Variants in PTPRN2 observed in about 807,000 individuals in gnomAD.
PTPRN2 encodes the protein protein tyrosine phosphatase receptor type N2, also known as receptor-type tyrosine-protein phosphatase N2.
In PTPRN2, 74 loss-of-function variants were observed where a neutral mutation model predicts 118.8. The observed-to-expected ratio is 0.62, with a 90% confidence interval of 0.52 to 0.76. The LOEUF (loss-of-function observed/expected upper bound fraction) is 0.76. PTPRN2 is among the 30% of genes least tolerant of loss of function. The pLI, the probability that PTPRN2 is intolerant of heterozygous loss-of-function variation, is 0.00. For synonymous variants in PTPRN2, 641 were observed against 608.0 expected (o/e 1.05, Z -0.80); for missense variants, 1,481 against 1,394.4 (o/e 1.06, Z -0.99).
chr7:157,712,762 A>G (rs1451080969), intron 12 of PTPRN2, among the ~76,000 whole-genome samples: 1 of 151,598 alleles, frequency 6.6e-6, no homozygotes, highest in Non-Finnish European at 1.5e-5. Context: ...AAAAAAAAAA[A>G]AAAAAAAAAA....
intron 1 of PTPRN2, chr7:158,541,760 C>G (rs200170831): frequency 8.4e-7 from 1 of 1,191,310 alleles, no homozygotes; most frequent in Non-Finnish European, 1.1e-6. Flanking sequence ...AAAAGGGCTG[C>G]GGACGCATAA....
In PTPRN2 at chr7:158,381,900, G is replaced by A. The variant is rs533542444; in HGVS notation, c.164-64968C>T. Among the ~76,000 whole-genome samples the A allele has an allele frequency of 5.9e-5, 9 of 152,306 alleles. No individual in the cohort carries two copies. In the South Asian group the frequency reaches 1.9e-3, roughly 32 times the overall value. On this transcript the variant is annotated intron_variant, in intron 2 of 22. Transcript: ENST00000389418. The stretch of plus-strand genomic sequence containing the variant: ...CCCCCTTATAGAACCATCAGATCTT[G>A]TAAGACTTATTCACTACCATGAGAA...
chr7:157,567,826 GCTAATGCAGA>G (rs1799564786), intron 21 of PTPRN2, among the ~76,000 whole-genome samples: 1 of 152,160 alleles, frequency 6.6e-6, no homozygotes, highest in African/African-American at 2.4e-5. Context: ...GTATCGCAAG[GCTAATGCAGA>G]CTCTTCTCAA....
intron 10 of PTPRN2, among the ~76,000 whole-genome samples, chr7:158,103,066 A>C (rs1200175377): frequency 1.3e-5 from 2 of 152,130 alleles, no homozygotes; most frequent in African/African-American, 4.8e-5. Flanking sequence ...CCAGACATGC[A>C]CCCGTCCCTG....
chr7:157,588,203 C>T (rs777167023), intron 17 of PTPRN2, among the ~76,000 whole-genome samples: 1 of 152,240 alleles, frequency 6.6e-6, no homozygotes, highest in Non-Finnish European at 1.5e-5. Flanking sequence ...TGGTGACACA[C>T]AGAAGCTCTC....
intron 14 of PTPRN2, among the ~76,000 whole-genome samples, chr7:157,648,708 A>T (rs1301563322): frequency 7.1e-6 from 1 of 141,064 alleles, no homozygotes; most frequent in African/African-American, 2.7e-5. Context: ...GGTCAGACCC[A>T]TTCACTGTGC....
At chr7:158,331,035 TAA>T (rs1804294731) in intron 2 of PTPRN2, among the ~76,000 whole-genome samples, 1 of 137,516 alleles carries the variant, frequency 7.3e-6, no homozygotes, top group Non-Finnish European at 1.5e-5. Context: ...ACTCTCACCA[TAA>T]GAGGTGACAC....
chr7:158,412,664 TCAGCACCCTCCTCAGCACCAGGGCCCATC>T, intron 2 of PTPRN2, among the ~76,000 whole-genome samples: 1 of 57,338 alleles, frequency 1.7e-5, no homozygotes, highest in East Asian at 5.8e-4. Context: ...AGGGCCCATC[TCAGCACCCTCCTCAGCACCAGGGCCCATC>T]CAGCACCCTC....
chr7:158,180,206 T>G (rs1824579230), intron 5 of PTPRN2, among the ~76,000 whole-genome samples: 1 of 152,250 alleles, frequency 6.6e-6, no homozygotes, highest in Non-Finnish European at 1.5e-5. Flanking sequence ...CTATCCAGTT[T>G]TACCAAAACC....
chr7:158,274,081 CACAGGGGGA>C (rs1798757921), intron 3 of PTPRN2, among the ~76,000 whole-genome samples: 2 of 136,222 alleles, frequency 1.5e-5, no homozygotes, highest in Admixed American at 7.4e-5. Context: ...GAGCCGCAGA[CACAGGGGGA>C]GCTGCAGACA....
Position 157,686,751 on chromosome 7 carries a change from G to C in PTPRN2, c.1789-3814C>G, listed in dbSNP as rs1052294602. Reference sequence around the variant, plus strand: ...GCGGCAGCTCAATGACTGAAAGTTTGGAACAGAGAAGAAGTGAGGAGGAGG... The same window carrying C: ...GCGGCAGCTCAATGACTGAAAGTTTCGAACAGAGAAGAAGTGAGGAGGAGG... On this transcript the variant is annotated intron_variant, in intron 12 of 22. Transcript: ENST00000389418. Among the ~76,000 whole-genome samples, 46 of 152,302 alleles carry C rather than the reference G, an allele frequency of 3.0e-4. No homozygotes were observed. The East Asian group carries it at 8.7e-3, about 29-fold the overall frequency.
chr7:158,483,130 C>G (rs533685211), intron 2 of PTPRN2, among the ~76,000 whole-genome samples: 1 of 152,336 alleles, frequency 6.6e-6, no homozygotes, highest in South Asian at 2.1e-4. Flanking sequence ...AACAGGCTTC[C>G]CTGTTTCCTG....
Position 158,526,191 on chromosome 7 carries a change from G to A in PTPRN2, c.113-36406C>T, listed in dbSNP as rs780467385. Among the ~76,000 whole-genome samples the A allele has an allele frequency of 1.3e-5, 2 of 152,196 alleles. No individual in the cohort carries two copies. The highest frequency in any genetic ancestry group is 2.4e-5 in the African/African-American group (1 of 41,462). On this transcript the variant is annotated intron_variant, in intron 1 of 22. Transcript: ENST00000389418. The surrounding 1 kb of genome is among the most constrained non-coding windows in gnomAD (Gnocchi z 5.2). The stretch of plus-strand genomic sequence containing the variant: ...GACACACGGCTCCTGGTGTTGGCAG[G>A]GTGCCGGCGGAATCCAGGGCAGGAT...
At chr7:158,527,213 T>C (rs1824847224) in intron 1 of PTPRN2, among the ~76,000 whole-genome samples, 1 of 148,826 alleles carries the variant, frequency 6.7e-6, no homozygotes, top group African/African-American at 2.5e-5. Context: ...GGCCCTCACC[T>C]CCCCCCACCC....
At chr7:157,840,542 G>A (rs1808344899) in intron 12 of PTPRN2, among the ~76,000 whole-genome samples, 1 of 152,340 alleles carries the variant, frequency 6.6e-6, no homozygotes, top group African/African-American at 2.4e-5. Context: ...CAGGCAGGGT[G>A]TGGGAGTGGA....
chr7:157,795,259 TA>T (rs1442710920), intron 12 of PTPRN2, among the ~76,000 whole-genome samples: 17 of 152,118 alleles, frequency 1.1e-4, no homozygotes, highest in African/African-American at 3.9e-4. Flanking sequence ...CCTGTGCATC[TA>T]GGGGGCACTT....
At chr7:158,397,197 A>G (rs1457162952) in intron 2 of PTPRN2, among the ~76,000 whole-genome samples, 39 of 152,236 alleles carry the variant, frequency 2.6e-4, no homozygotes, top group Non-Finnish European at 5.7e-4. Context: ...AAAGCAAACA[A>G]GATTCAGAGA....
At chr7:158,054,413 G>T (rs1809622354) in intron 11 of PTPRN2, among the ~76,000 whole-genome samples, 1 of 152,220 alleles carries the variant, frequency 6.6e-6, no homozygotes, top group South Asian at 2.1e-4. Context: ...ACTGCTGTGT[G>T]GGATGGGGGA....
At position 157,615,750 on chromosome 7, in the gene PTPRN2, T is replaced by C; in HGVS notation, c.2344+5612A>G. 2.6e-6 allele frequency: 1 copy of C among 387,672 alleles called. No homozygotes were observed. The highest frequency in any genetic ancestry group is 5.3e-6 in the Non-Finnish European group (1 of 189,868). The allele number at this position is 387,672 out of a possible 1,614,324, so 24.0% of individuals were successfully genotyped here. On this transcript the variant is annotated intron_variant, in intron 15 of 22. Coordinates refer to ENST00000389418, the MANE Select transcript of PTPRN2 (RefSeq NM_002847.5). The surrounding 1 kb of genome is among the most constrained non-coding windows in gnomAD (Gnocchi z 4.3). ...CTCAGGAACCACAAGCTCTGGAGGCTGAACGAGAATCGGTTACAGGAGATG... is the reference window on the plus strand; with the variant it reads ...CTCAGGAACCACAAGCTCTGGAGGCCGAACGAGAATCGGTTACAGGAGATG...
Sources: allele counts gnomAD v4.1 joint callset (sites outside exome capture counted in the v4.1 genomes callset), GRCh38; gene constraint gnomAD v4.1.1; non-coding constraint Gnocchi (gnomAD v3.1); transcripts MANE v1.5; gene names NCBI Gene and HGNC (gene_info 2026-07-23, HGNC 2026-07-21).